Variants in TENM3 observed in about 807,000 individuals in gnomAD.
TENM3 encodes the protein teneurin-3.
In TENM3, 63 loss-of-function variants were observed where a neutral mutation model predicts 255.1. The ratio of observed to expected loss-of-function variants is 0.25; its 90% CI spans 0.20 to 0.30. TENM3 has a LOEUF of 0.30. Among genes scored for constraint, TENM3 ranks in the 10% least tolerant of loss-of-function variants. The pLI, the probability that TENM3 is intolerant of heterozygous loss-of-function variation, is 1.00. For synonymous variants in TENM3, 1,306 were observed against 1,322.3 expected (o/e 0.99, Z 0.27); for missense variants, 2,929 against 3,461.1 (o/e 0.85, Z 3.86).
the TENM3 span, among the ~76,000 whole-genome samples, chr4:182,036,974 C>T: frequency 2.0e-5 from 3 of 152,096 alleles, no homozygotes; most frequent in African/African-American, 4.8e-5. Flanking sequence ...AACTCTTAAA[C>T]TGTGCCTTCC....
chr4:182,091,195 G>T, the TENM3 span, among the ~76,000 whole-genome samples: 2 of 152,194 alleles, frequency 1.3e-5, no homozygotes, highest in African/African-American at 2.4e-5. Flanking sequence ...AGGCTGATGT[G>T]TACTTACTGC....
chr4:182,138,709 T>C, the TENM3 span, among the ~76,000 whole-genome samples: 13 of 152,366 alleles, frequency 8.5e-5, no homozygotes, highest in African/African-American at 2.9e-4. Flanking sequence ...CTACATGTTA[T>C]AGGTGCTTGC....
At chr4:182,607,744 C>T (rs181979486) in intron 4 of TENM3, among the ~76,000 whole-genome samples, 109 of 152,088 alleles carry the variant, frequency 7.2e-4, no homozygotes, top group Middle Eastern at 3.4e-3. Flanking sequence ...TTGCTATAGT[C>T]CTTAAGTGAT....
At chr4:182,714,321 A>G (rs1461243032) in intron 13 of TENM3, 88 bp downstream of exon 13, 3 of 790,220 alleles carry the variant, frequency 3.8e-6, no homozygotes, top group Non-Finnish European at 5.4e-6. Context: ...TTGCCAAAAA[A>G]AAAAAAAAAA....
the TENM3 span, among the ~76,000 whole-genome samples, chr4:181,818,862 C>G: frequency 6.6e-6 from 1 of 152,184 alleles, no homozygotes; most frequent in African/African-American, 2.4e-5. Flanking sequence ...CTTGGCCTCC[C>G]AAAGTGCTGG....
intron 13 of TENM3, among the ~76,000 whole-genome samples, chr4:182,721,186 T>C (rs945894338): frequency 6.6e-6 from 1 of 152,160 alleles, no homozygotes; most frequent in Non-Finnish European, 1.5e-5. Context: ...TACATGTCTT[T>C]CCATGTTAAG....
the TENM3 span, among the ~76,000 whole-genome samples, chr4:181,912,844 T>C: frequency 6.6e-6 from 1 of 151,556 alleles, no homozygotes; most frequent in Non-Finnish European, 1.5e-5. Flanking sequence ...TTTGAATCTC[T>C]ACTTGAGAGA....
chr4:181,750,796 C>G, the TENM3 span, among the ~76,000 whole-genome samples: 1 of 152,156 alleles, frequency 6.6e-6, no homozygotes, highest in East Asian at 1.9e-4. Context: ...AACAGATACC[C>G]ATAGCATTAT....
chr4:182,542,900 C>A (rs974332036), intron 3 of TENM3, among the ~76,000 whole-genome samples: 2 of 152,132 alleles, frequency 1.3e-5, no homozygotes, highest in African/African-American at 4.8e-5. Flanking sequence ...ATCCTCACAA[C>A]AATTCTCGTG....
chr4:181,621,813 G>A, the TENM3 span, among the ~76,000 whole-genome samples: 1 of 152,132 alleles, frequency 6.6e-6, no homozygotes, highest in African/African-American at 2.4e-5. Context: ...GTACTAAACT[G>A]AGATGCAAAG....
chr4:182,220,634 A>G (rs1203011022), intron 1 of TENM3, among the ~76,000 whole-genome samples: 1 of 152,184 alleles, frequency 6.6e-6, no homozygotes, highest in African/African-American at 2.4e-5. Context: ...TGCTAGCCAC[A>G]AAGCAATGAA....
chr4:181,710,663 A>C, the TENM3 span, among the ~76,000 whole-genome samples: 10 of 152,120 alleles, frequency 6.6e-5, no homozygotes, highest in African/African-American at 2.4e-4. Context: ...CAGAGTTTGC[A>C]GTGAGCTGAG....
At chr4:182,448,786 G>C (rs910727178) in intron 3 of TENM3, among the ~76,000 whole-genome samples, 1 of 151,858 alleles carries the variant, frequency 6.6e-6, no homozygotes, top group East Asian at 2.0e-4. Context: ...GCCCCGGCCC[G>C]CGTGTGTGGA....
chr4:181,669,137 A>G, the TENM3 span, among the ~76,000 whole-genome samples: 1 of 152,222 alleles, frequency 6.6e-6, no homozygotes, highest in Non-Finnish European at 1.5e-5. Context: ...CCCTGTTTAG[A>G]TAACAAAGCT....
At chr4:182,024,004 G>A in the TENM3 span, among the ~76,000 whole-genome samples, 666 of 152,154 alleles carry the variant, frequency 4.4e-3, 7 homozygotes, top group African/African-American at 0.015. Flanking sequence ...ATTTCATTCC[G>A]CTGTAAGAGA....
At chr4:181,587,520 A>C in the TENM3 span, among the ~76,000 whole-genome samples, 3 of 152,178 alleles carry the variant, frequency 2.0e-5, no homozygotes, top group Admixed American at 6.5e-5. Context: ...TCAGCCTAAA[A>C]CCCACGTATG....
At position 182,794,231 on chromosome 4, in the gene TENM3, G is replaced by A. The variant is rs565888036; in HGVS notation, c.7213+346G>A. On this transcript the variant is annotated intron_variant, in intron 26 of 27. Transcript: ENST00000511685. Reference sequence around the variant, plus strand: ...TCCCAGCTCCTCTCCCACAAGTTGTGTAGCTCTGTAAGCAAGCCATATGTT... The same window carrying A: ...TCCCAGCTCCTCTCCCACAAGTTGTATAGCTCTGTAAGCAAGCCATATGTT... Among the ~76,000 whole-genome samples the A allele has an allele frequency of 1.1e-4, 17 of 152,274 alleles. 1 individual carries two copies. The South Asian group carries it at 3.5e-3, about 32-fold the overall frequency.
intron 3 of TENM3, among the ~76,000 whole-genome samples, chr4:182,499,432 A>G (rs1736111441): frequency 1.3e-5 from 2 of 152,252 alleles, no homozygotes; most frequent in African/African-American, 2.4e-5. Context: ...ACTGTCTGGT[A>G]TTTGAACCCA....
At chr4:181,849,949 T>A in the TENM3 span, among the ~76,000 whole-genome samples, 80 of 65,968 alleles carry the variant, frequency 1.2e-3, no homozygotes, top group African/African-American at 3.4e-3. Context: ...TCTCTCTCTC[T>A]CACACACACA....
Sources: allele counts gnomAD v4.1 joint callset (sites outside exome capture counted in the v4.1 genomes callset), GRCh38; gene constraint gnomAD v4.1.1; transcripts MANE v1.5; gene names NCBI Gene and HGNC (gene_info 2026-07-23, HGNC 2026-07-21).